The following HYAL3 variants were observed in gnomAD, a reference collection of about 807,000 sequenced individuals.
The protein encoded by HYAL3 is hyaluronidase-3.
HYAL3 carries 25 observed loss-of-function variants against 29.6 expected under a neutral mutation model. That is an observed-to-expected ratio of 0.85 (90% confidence interval 0.62 to 1.18). HYAL3 has a LOEUF of 1.18. Ranked by LOEUF, HYAL3 falls within the 50% of genes most tolerant of loss-of-function variation. The pLI is 0.00. For synonymous variants in HYAL3, 215 were observed against 218.3 expected (o/e 0.99, Z 0.13); for missense variants, 442 against 548.4 (o/e 0.81, Z 1.94).
Position 50,295,335 on chromosome 3 carries a change from C to T in HYAL3, c.268G>A (p.Ala90Thr), listed in dbSNP as rs1553710900. ...GCCTGGGGGATGCCCCCATTGTGAG[C>T]TGTGCCCCTGGGTCCAAAGTAGGGA... ...LYPYFGPRGT[A>T]HNGGIPQALP... Residue 90 changes from alanine (A) to threonine (T), a missense_variant, in exon 2 of 4, where the codon GCT becomes ACT. By Grantham distance (58) the Ala-to-Thr change is moderately conservative. Coordinates refer to ENST00000336307, the MANE Select transcript of HYAL3 (RefSeq NM_003549.4). 3 of 1,614,148 alleles carry T rather than the reference C, an allele frequency of 1.9e-6. No individual in the cohort carries two copies. The African/African-American group carries it at 4.0e-5, about 22-fold the overall frequency.
At position 50,295,633 on chromosome 3, in the gene HYAL3, G is replaced by T. The variant is rs929184734; in HGVS notation, c.-17-14C>A. On this transcript the variant is annotated splice_polypyrimidine_tract_variant and intron_variant, in intron 1 of 3. Transcript: ENST00000336307. The stretch of plus-strand genomic sequence containing the variant: ...AAGGATGGAAACCTGCAGGAGAGAG[G>T]GGGGTGTAAGCTTAGAGTCCGCAGC... 1.3e-6 allele frequency: 2 copies of T among 1,514,320 alleles called. No homozygotes were observed. Among genetic ancestry groups the T allele is most frequent in the African/African-American group, 2.9e-5 (2 of 69,162 alleles). The allele number at this position is 1,514,320 out of a possible 1,614,324, so 93.8% of individuals were successfully genotyped here.
At chr3:50,296,505 C>T in intron 1 of HYAL3, 1 of 1,398,736 alleles carries the variant, frequency 7.1e-7, no homozygotes. Context: ...AGCTGCCCCC[C>T]AGGGGCTAGG....
chr3:50,298,547 C>T (rs988931271), intron 1 of HYAL3, among the ~76,000 whole-genome samples: 2 of 151,530 alleles, frequency 1.3e-5, no homozygotes, highest in African/African-American at 4.9e-5. Context: ...CACAGGGTGT[C>T]CAACGGTCAC....
At position 50,292,925 on chromosome 3, in the gene HYAL3, G is replaced by T. The variant is rs1010347616; in HGVS notation, c.*321C>A. ...AAGATTTTTTGGGGCCCATCTGCCC[G>T]TGCACGGCCCATCTGTGACCTCTCC... On this transcript the variant is annotated 3_prime_UTR_variant, in exon 4 of 4. Transcript: ENST00000336307. 1 of 1,514,584 alleles carries T rather than the reference G, an allele frequency of 6.6e-7. No individual in the cohort carries two copies. The highest frequency in any genetic ancestry group is 8.9e-7 in the Non-Finnish European group (1 of 1,126,640). 93.8% of individuals were successfully genotyped at this position (1,514,584 alleles called of 1,614,324 possible).
At position 50,295,135 on chromosome 3, in the gene HYAL3, T is replaced by C. The variant is rs781832783; in HGVS notation, c.468A>G (p.Val156=). The C allele has an allele frequency of 1.9e-5, 31 of 1,613,456 alleles. No homozygotes were observed. Among genetic ancestry groups the C allele is most frequent in the Non-Finnish European group, 2.4e-5 (28 of 1,180,032 alleles). The change falls in exon 2 of 4, where the codon GTA becomes GTG. Residue 156 remains valine, a synonymous_variant. Coordinates refer to ENST00000336307, the MANE Select transcript of HYAL3 (RefSeq NM_003549.4). ...QAASWAWAQQ[V]FPDLDPQEQL... ...GCTCCTGAGGGTCCAGGTCAGGGAATACCTGCTGTGCCCAAGCCCAAGAGG... is the reference window on the plus strand; with the variant it reads ...GCTCCTGAGGGTCCAGGTCAGGGAACACCTGCTGTGCCCAAGCCCAAGAGG...
At position 50,293,046 on chromosome 3, in the gene HYAL3, A is replaced by G; in HGVS notation, c.*200T>C. On this transcript the variant is annotated 3_prime_UTR_variant, in exon 4 of 4. Coordinates refer to ENST00000336307, the MANE Select transcript of HYAL3 (RefSeq NM_003549.4). Reference sequence around the variant, plus strand: ...TGGAACTGCTTCCTTGCCATGGAGGACTCACATGATCTCAGAGGGCCTCTG... The same window carrying G: ...TGGAACTGCTTCCTTGCCATGGAGGGCTCACATGATCTCAGAGGGCCTCTG... The G allele has an allele frequency of 7.0e-7, 1 of 1,434,526 alleles. No individual in the cohort carries two copies. Among genetic ancestry groups the G allele is most frequent in the Non-Finnish European group, 9.6e-7 (1 of 1,036,820 alleles). 88.9% of individuals were successfully genotyped at this position (1,434,526 alleles called of 1,614,324 possible). A position where few individuals can be genotyped will look rare whatever the true frequency, so the allele number is the denominator to read the frequency against.
chr3:50,294,760 G>A lies in HYAL3; in HGVS notation c.843C>T (p.Val281=), dbSNP rs782542263. ...ALVGHRHPLP[V]LAYVRLTHRR... is the part of the protein sequence containing the mutation. The stretch of plus-strand genomic sequence containing the variant: ...GGTGTGTGAGGCGGACATAGGCCAG[G>A]ACAGGCAGGGGATGTCGGTGCCCAA... The change falls in exon 2 of 4, where the codon GTC becomes GTT. Residue 281 remains valine, a synonymous_variant. Coordinates refer to ENST00000336307, the MANE Select transcript of HYAL3 (RefSeq NM_003549.4). 6.6e-7 allele frequency: 1 copy of A among 1,513,168 alleles called. No individual in the cohort carries two copies. The highest frequency in any genetic ancestry group is 2.3e-5 in the East Asian group (1 of 43,864). The allele number at this position is 1,513,168 out of a possible 1,614,324, so 93.7% of individuals were successfully genotyped here.
At position 50,293,499 on chromosome 3, in the gene HYAL3, A is replaced by G. The variant is rs1701737060; in HGVS notation, c.1001T>C (p.Leu334Pro). Reference protein sequence around the residue: ...LSSSEEECWHLHDYLVDTLGP... With the variant: ...LSSSEEECWHPHDYLVDTLGP... ...CAAGGTGTCCACCAGGTAGTCATGG[A>G]GATGCCAGCACTCCTCCTGAGGAGA... Residue 334 changes from leucine to proline, a missense_variant, in exon 4 of 4, where the codon CTC becomes CCC. Physicochemically the swap from Leu to Pro is moderately conservative, Grantham distance 98. Transcript: ENST00000336307. The G allele has an allele frequency of 6.2e-7, 1 of 1,612,952 alleles. No homozygotes were observed. The highest frequency in any genetic ancestry group is 1.1e-5 in the South Asian group (1 of 91,070).
In HYAL3 at chr3:50,293,408, G is replaced by A. The variant is rs766585009; in HGVS notation, c.1092C>T (p.His364=). 193 of 1,613,672 alleles carry A rather than the reference G, an allele frequency of 1.2e-4. 6 individuals are homozygous for A. In the South Asian group the frequency reaches 1.7e-3, roughly 14 times the overall value. The change falls in exon 4 of 4, where the codon CAC becomes CAT. Residue 364 remains histidine, a synonymous_variant. Coordinates refer to ENST00000336307, the MANE Select transcript of HYAL3 (RefSeq NM_003549.4). The part of the protein sequence containing the change: ...MACSHQRCHG[H]GRCARRDPGQ... ...CTGGATCTCGCCGGGCACAGCGCCC[G>A]TGGCCATGGCACCGCTGGTGACTGC...
Position 50,295,216 on chromosome 3 carries a change from C to T in HYAL3, c.387G>A (p.Glu129=). 5 of 1,613,662 alleles carry T rather than the reference C, an allele frequency of 3.1e-6. No individual in the cohort carries two copies. The highest frequency in any genetic ancestry group is 4.2e-6 in the Non-Finnish European group (5 of 1,180,046). Residue 129 remains glutamate, a synonymous_variant, in exon 2 of 4, where the codon GAG becomes GAA. Coordinates refer to ENST00000336307, the MANE Select transcript of HYAL3 (RefSeq NM_003549.4). ...TCCCAGCCCAGAGTGGACACCACTC[C>T]TCCCAATCCAGCACTGCTGGGCCAG... ...GFAGPAVLDW[E]EWCPLWAGNW... is the part of the protein sequence containing the mutation.
In HYAL3 at chr3:50,296,344, C is replaced by A. The variant is rs587768945; in HGVS notation, c.-17-725G>T. Reference sequence around the variant, plus strand: ...TGGAGACTTCTGCAGGGATAAGGGACCTGCAGAAGAGGTGAGAGGTGAGGG... The same window carrying A: ...TGGAGACTTCTGCAGGGATAAGGGAACTGCAGAAGAGGTGAGAGGTGAGGG... On this transcript the variant is annotated intron_variant, in intron 1 of 3. Transcript: ENST00000336307. The A allele has an allele frequency of 1.3e-5, 7 of 518,674 alleles. No homozygotes were observed. In the South Asian group the frequency reaches 1.6e-4, roughly 12 times the overall value. The allele number at this position is 518,674 out of a possible 1,614,324, so 32.1% of individuals were successfully genotyped here.
chr3:50,296,961 C>T (rs1553711315), intron 1 of HYAL3: 1 of 1,597,480 alleles, frequency 6.3e-7, no homozygotes, highest in African/African-American at 1.3e-5. Flanking sequence ...CTTGCGGAAG[C>T]CCCGGGCCCG....
At chr3:50,298,730 C>A in intron 1 of HYAL3, 1 of 1,012,284 alleles carries the variant, frequency 9.9e-7, no homozygotes, top group Non-Finnish European at 1.2e-6. Flanking sequence ...CCTTACCTCT[C>A]CTGAGCTTGA....
At position 50,297,006 on chromosome 3, in the gene HYAL3, C is replaced by G. The variant is rs2109291065; in HGVS notation, c.-17-1387G>C. The G allele has an allele frequency of 6.4e-7, 1 of 1,555,192 alleles. No homozygotes were observed. ...CTCCAGGCCCTCCATGAGGCGGCGG[C>G]CAAAGCCACGGCCCCTCAGGGCCCG... On this transcript the variant is annotated intron_variant, in intron 1 of 3. Coordinates refer to ENST00000336307, the MANE Select transcript of HYAL3 (RefSeq NM_003549.4). The surrounding 1 kb of genome is among the most constrained non-coding windows in gnomAD (Gnocchi z 4.3).
rs782022468 is a variant in HYAL3, at chr3:50,293,352, G to T, written c.1148C>A (p.Pro383Gln). Residue 383 changes from proline (P) to glutamine (Q), a missense_variant, in exon 4 of 4, where the codon CCA becomes CAA. By Grantham distance (76) the Pro-to-Gln change is moderately conservative. Transcript: ENST00000336307. ...CTTCCAATCTCCAAGGCTGCCGTCT[G>T]GCCACAGGTGTAGAAAGGCTTCCAT... ...GQMEAFLHLW[P>Q]DGSLGDWKSF... is the part of the protein sequence containing the mutation. The T allele has an allele frequency of 2.5e-6, 4 of 1,613,388 alleles. No individual in the cohort carries two copies. Among genetic ancestry groups the T allele is most frequent in the Non-Finnish European group, 3.4e-6 (4 of 1,180,046 alleles).
In HYAL3 at chr3:50,297,349, T is replaced by G. The variant is rs587741919; in HGVS notation, c.-17-1730A>C. ...TGTTCAGGATCCAGGGTAAGCTCAG[T>G]TGGACCAGGATTGAAGGTCATCTCT... On this transcript the variant is annotated intron_variant, in intron 1 of 3. Coordinates refer to ENST00000336307, the MANE Select transcript of HYAL3 (RefSeq NM_003549.4). This position sits in a 1 kb window ranked among gnomAD's most constrained non-coding sequence, Gnocchi z 4.3. 3.7e-6 allele frequency: 6 copies of G among 1,611,630 alleles called. No homozygotes were observed. Among genetic ancestry groups the G allele is most frequent in the Non-Finnish European group, 5.1e-6 (6 of 1,178,672 alleles).
At position 50,299,251 on chromosome 3, in the gene HYAL3, T is replaced by C; in HGVS notation, c.-56A>G. 6.2e-7 allele frequency: 1 copy of C among 1,614,018 alleles called. No individual in the cohort carries two copies. Among genetic ancestry groups the C allele is most frequent in the Non-Finnish European group, 8.5e-7 (1 of 1,179,998 alleles). The stretch of plus-strand genomic sequence containing the variant: ...CCTCTGGGATGTTCCGCGTCCTAGC[T>C]CCGCACAGCTGGGTATCTCACTCAG... On this transcript the variant is annotated 5_prime_UTR_variant, in exon 1 of 4. Transcript: ENST00000336307.
At position 50,297,256 on chromosome 3, in the gene HYAL3, C is replaced by T. The variant is rs1196909263; in HGVS notation, c.-17-1637G>A. On this transcript the variant is annotated intron_variant, in intron 1 of 3. Transcript: ENST00000336307. This position sits in a 1 kb window ranked among gnomAD's most constrained non-coding sequence, Gnocchi z 4.3. ...AGGTCAGCACAAGCATCCAGGAGCT[C>T]GGGTCGGCGGTGCACAGGCTCCAGG... 14 of 1,609,956 alleles carry T rather than the reference C, an allele frequency of 8.7e-6. No homozygotes were observed. The highest frequency in any genetic ancestry group is 2.7e-5 in the African/African-American group (2 of 74,822).
Position 50,293,531 on chromosome 3 carries a change from G to T in HYAL3, c.985-16C>A. 6.2e-7 allele frequency: 1 copy of T among 1,611,500 alleles called. No individual in the cohort carries two copies. The highest frequency in any genetic ancestry group is 8.5e-7 in the Non-Finnish European group (1 of 1,178,092). The stretch of plus-strand genomic sequence containing the variant: ...AGCACTCCTCCTGAGGAGAAGGGAA[G>T]ATATGTGTCAATATGCCTGCTCTAT... On this transcript the variant is annotated splice_polypyrimidine_tract_variant and intron_variant, in intron 3 of 3. Transcript: ENST00000336307.
Sources: gnomAD v4.1 joint callset for allele counts (sites outside exome capture counted in the v4.1 genomes callset) on GRCh38, gnomAD v4.1.1 for gene constraint, Gnocchi (gnomAD v3.1) non-coding constraint, MANE v1.5 for transcripts, NCBI Gene and HGNC (gene_info 2026-07-23, HGNC 2026-07-21) for gene names.